CDYL2: variants seen among roughly 807,000 people sequenced by gnomAD.
CDYL2 encodes chromodomain Y like 2.
A neutral mutation model predicts 49.4 loss-of-function variants in CDYL2; 23 were observed. The ratio of observed to expected loss-of-function variants is 0.47; its 90% CI spans 0.34 to 0.66. The LOEUF (loss-of-function observed/expected upper bound fraction) is 0.66, where lower values mean the gene tolerates loss of function less well. Ranked by LOEUF, CDYL2 falls within the 30% of genes least tolerant of loss-of-function variation. The pLI, the probability that CDYL2 is intolerant of heterozygous loss-of-function variation, is 0.01. For missense variants in CDYL2, 678 were observed against 656.4 expected, an observed-to-expected ratio of 1.03 and a Z score of -0.36; for synonymous variants, 360 against 268.8, an observed-to-expected ratio of 1.34 and a Z score of -3.32.
chr16:80,658,107 CA>C lies in CDYL2; in HGVS notation c.617-24872del, dbSNP rs200254127. 8.6e-3 allele frequency among the ~76,000 whole-genome samples: 1,017 copies of C among 117,766 alleles called. 11 individuals are homozygous for C. Among genetic ancestry groups the C allele is most frequent in the African/African-American group, 0.024 (762 of 32,016 alleles). The allele number at this position is 117,766 out of a possible 152,430, so 77.3% of individuals were successfully genotyped here. ...AATAACATAAATTTGCTTTTTTTTC[CA>C]AAAAAAAAAAAATCACAAGAAGAAT... On this transcript the variant is annotated intron_variant, in intron 2 of 6. Transcript: ENST00000570137.
At chr16:80,617,554 T>C (rs1906886962) in intron 4 of CDYL2, among the ~76,000 whole-genome samples, 1 of 152,216 alleles carries the variant, frequency 6.6e-6, no homozygotes, top group South Asian at 2.1e-4. Context: ...TGCCACCTTG[T>C]GTCCCCAACT....
In CDYL2 at chr16:80,601,057, A is replaced by C. The variant is rs1378170141; in HGVS notation, c.*3331T>G. 1 of 152,220 alleles carries C rather than the reference A, an allele frequency of 6.6e-6. No individual in the cohort carries two copies. The highest frequency in any genetic ancestry group is 1.5e-5 in the Non-Finnish European group (1 of 68,042). The allele number at this position is 152,220 out of a possible 1,614,324, so 9.4% of individuals were successfully genotyped here. On this transcript the variant is annotated 3_prime_UTR_variant, in exon 7 of 7. Transcript: ENST00000570137. Reference sequence around the variant, plus strand: ...TACTTTCTCATAGCTATCCAATGTCATTCTTAGTGATTTTGATGGCTGTTA... The same window carrying C: ...TACTTTCTCATAGCTATCCAATGTCCTTCTTAGTGATTTTGATGGCTGTTA...
Position 80,645,833 on chromosome 16 carries a change from T to C in CDYL2, c.617-12597A>G, listed in dbSNP as rs112945535. Among the ~76,000 whole-genome samples, 8 of 151,574 alleles carry C rather than the reference T, an allele frequency of 5.3e-5. No homozygotes were observed. In the East Asian group the frequency reaches 1.6e-3, roughly 30 times the overall value. On this transcript the variant is annotated intron_variant, in intron 2 of 6. Transcript: ENST00000570137. ...AAAAAGGATGAGTTCATGTCCTTTG[T>C]AGGGACATGGATGAAGCTGGAAACC...
At chr16:80,695,099 T>G (rs951075184) in intron 1 of CDYL2, among the ~76,000 whole-genome samples, 1 of 152,384 alleles carries the variant, frequency 6.6e-6, no homozygotes, top group Admixed American at 6.5e-5. Flanking sequence ...TAGCCAATTA[T>G]GGCCTGCAGG....
chr16:80,774,383 T>C (rs557224104), intron 1 of CDYL2, among the ~76,000 whole-genome samples: 2 of 140,476 alleles, frequency 1.4e-5, no homozygotes, highest in Non-Finnish European at 3.1e-5. Context: ...AAGGGGGTTA[T>C]CAGAGAATGG....
intron 2 of CDYL2, among the ~76,000 whole-genome samples, chr16:80,635,381 A>G (rs1907772508): frequency 6.6e-6 from 1 of 152,226 alleles, no homozygotes. Flanking sequence ...TCAGGATACA[A>G]AATCAACGTG....
intron 1 of CDYL2, among the ~76,000 whole-genome samples, chr16:80,772,853 G>C (rs1428610364): frequency 6.6e-6 from 1 of 152,148 alleles, no homozygotes; most frequent in East Asian, 1.9e-4. Context: ...ATGGAATAAT[G>C]TTCTCAGTCA....
At chr16:80,775,537 C>A (rs1907053940) in intron 1 of CDYL2, among the ~76,000 whole-genome samples, 2 of 151,078 alleles carry the variant, frequency 1.3e-5, no homozygotes, top group African/African-American at 2.4e-5. Flanking sequence ...TTAAGAACAG[C>A]CATTACAAAA....
Position 80,791,411 on chromosome 16 carries a change from AAGAC to A in CDYL2, c.24+12735_24+12738del, listed in dbSNP as rs370870781. ...CTGTGCTAGGTGCTACAGATGAAACAAGACAGACAATCACTGCCCTCACAAAGCT... is the reference window on the plus strand; with the variant it reads ...CTGTGCTAGGTGCTACAGATGAAACAAGACAATCACTGCCCTCACAAAGCT... On this transcript the variant is annotated intron_variant, in intron 1 of 6. Transcript: ENST00000570137. 3.7e-3 allele frequency among the ~76,000 whole-genome samples: 567 copies of A among 152,344 alleles called. 1 individual carries two copies. The highest frequency in any genetic ancestry group is 0.013 in the African/African-American group (551 of 41,574).
intron 1 of CDYL2, among the ~76,000 whole-genome samples, chr16:80,739,411 T>C (rs1410956962): frequency 1.3e-5 from 2 of 152,212 alleles, no homozygotes; most frequent in Admixed American, 1.3e-4. Context: ...GTAAATTTTA[T>C]GTTATATGTA....
intron 1 of CDYL2, among the ~76,000 whole-genome samples, chr16:80,727,669 G>A (rs1048507189): frequency 1.3e-5 from 2 of 152,332 alleles, no homozygotes; most frequent in East Asian, 3.9e-4. Context: ...CAAAAAGACA[G>A]CAGTAACCTC....
intron 2 of CDYL2, among the ~76,000 whole-genome samples, chr16:80,662,937 C>T (rs754699259): frequency 4.6e-5 from 7 of 151,858 alleles, no homozygotes; most frequent in Non-Finnish European, 8.8e-5. Context: ...AGGCCCAGCA[C>T]AAAGAACGAC....
chr16:80,768,972 C>T (rs766979647), intron 1 of CDYL2, among the ~76,000 whole-genome samples: 6 of 152,190 alleles, frequency 3.9e-5, no homozygotes, highest in Non-Finnish European at 8.8e-5. Flanking sequence ...AAAAACAAGT[C>T]TGGCCACCAG....
At chr16:80,785,414 G>T (rs1487012113) in intron 1 of CDYL2, among the ~76,000 whole-genome samples, 1 of 152,130 alleles carries the variant, frequency 6.6e-6, no homozygotes. Context: ...CAAGGGATGT[G>T]AAGGACCTCT....
At chr16:80,743,689 T>G (rs1031677140) in intron 1 of CDYL2, among the ~76,000 whole-genome samples, 3 of 152,242 alleles carry the variant, frequency 2.0e-5, no homozygotes, top group Non-Finnish European at 2.9e-5. Flanking sequence ...GTTTGTTTTT[T>G]GGGGGTTTTT....
chr16:80,660,012 T>C (rs1332137725), intron 2 of CDYL2, among the ~76,000 whole-genome samples: 1 of 151,612 alleles, frequency 6.6e-6, no homozygotes, highest in Non-Finnish European at 1.5e-5. Flanking sequence ...AAAACAGCAA[T>C]AACAGAGGCT....
intron 1 of CDYL2, among the ~76,000 whole-genome samples, chr16:80,685,993 G>A (rs1241568046): frequency 6.6e-6 from 1 of 152,190 alleles, no homozygotes; most frequent in Non-Finnish European, 1.5e-5. Flanking sequence ...CATTTGCTGA[G>A]TACCTACTAT....
chr16:80,656,854 C>G (rs1276979315), intron 2 of CDYL2, among the ~76,000 whole-genome samples: 2 of 152,112 alleles, frequency 1.3e-5, no homozygotes, highest in Admixed American at 1.3e-4. Context: ...GCAACAAGGA[C>G]TAAGTCTTCC....
chr16:80,671,103 C>T (rs563566114), intron 2 of CDYL2, among the ~76,000 whole-genome samples: 2 of 152,144 alleles, frequency 1.3e-5, no homozygotes, highest in Non-Finnish European at 2.9e-5. Context: ...AATCTCTTTT[C>T]TTTGATGTTT....
Sources: allele counts gnomAD v4.1 joint callset (sites outside exome capture counted in the v4.1 genomes callset), GRCh38; gene constraint gnomAD v4.1.1; transcripts MANE v1.5; gene names NCBI Gene and HGNC (gene_info 2026-07-23, HGNC 2026-07-21).